TBCD: variants seen among roughly 807,000 people sequenced by gnomAD.
TBCD encodes the protein tubulin folding cofactor D.
A neutral mutation model predicts 169.3 loss-of-function variants in TBCD; 105 were observed. That is an observed-to-expected ratio of 0.62 (90% CI 0.53 to 0.73). The LOEUF is 0.73. TBCD is among the 30% of genes least tolerant of loss of function. The pLI, the probability that TBCD is intolerant of heterozygous loss-of-function variation, is 0.00. For synonymous variants in TBCD, 700 were observed against 643.9 expected, an observed-to-expected ratio of 1.09 and a Z score of -1.32; for missense variants, 1,444 against 1,600.1, an observed-to-expected ratio of 0.90 and a Z score of 1.66.
In TBCD at chr17:82,887,160, TGTGTGTGTGCGCGCGCGC is replaced by T. The variant is rs1311102679; in HGVS notation, c.1534-2506_1534-2489del. 1.9e-3 allele frequency among the ~76,000 whole-genome samples: 212 copies of T among 109,062 alleles called. 1 individual carries two copies. Among genetic ancestry groups the T allele is most frequent in the African/African-American group, 8.6e-3 (200 of 23,128 alleles). The allele number at this position is 109,062 out of a possible 152,430, so 71.5% of individuals were successfully genotyped here. On this transcript the variant is annotated intron_variant, in intron 15 of 38. Transcript: ENST00000355528. ...GTGTGTGTGTGTGTGTGTGTGTGTG[TGTGTGTGTGCGCGCGCGC>T]GCACGTGCGCTCACGCGTTTACTTC...
intron 2 of TBCD, 140 bp downstream of exon 2, chr17:82,756,355 G>T: frequency 1.2e-6 from 1 of 851,566 alleles, no homozygotes; most frequent in Non-Finnish European, 1.9e-6. Flanking sequence ...TGGCTGGTTG[G>T]TTTTAGCCGA....
At chr17:82,869,855 C>T (rs757179416) in intron 13 of TBCD, among the ~76,000 whole-genome samples, 1 of 152,190 alleles carries the variant, frequency 6.6e-6, no homozygotes, top group Non-Finnish European at 1.5e-5. Flanking sequence ...CTCTCCCTCC[C>T]CTGAACCAGG....
chr17:82,876,754 A>T (rs1021261005), intron 14 of TBCD, among the ~76,000 whole-genome samples: 1 of 152,260 alleles, frequency 6.6e-6, no homozygotes, highest in African/African-American at 2.4e-5. Flanking sequence ...TACACGCAAC[A>T]GCAACCATTT....
intron 7 of TBCD, among the ~76,000 whole-genome samples, chr17:82,788,884 G>T (rs2049498256): frequency 6.6e-6 from 1 of 152,208 alleles, no homozygotes; most frequent in African/African-American, 2.4e-5. Flanking sequence ...GCAGAGGCTG[G>T]TGTGAGGCTA....
intron 8 of TBCD, among the ~76,000 whole-genome samples, chr17:82,799,564 G>A (rs973440834): frequency 2.6e-5 from 4 of 152,014 alleles, no homozygotes; most frequent in South Asian, 2.1e-4. Context: ...TGGCGTGCAC[G>A]CCCCGTGTCT....
At chr17:82,778,259 A>G (rs187840932) in intron 6 of TBCD, among the ~76,000 whole-genome samples, 126 of 152,214 alleles carry the variant, frequency 8.3e-4, no homozygotes, top group African/African-American at 2.8e-3. Context: ...TTGCCTCGGC[A>G]CCTGGGTGGC....
At chr17:82,908,530 C>T (rs771907497) in intron 21 of TBCD, 7 of 323,610 alleles carry the variant, frequency 2.2e-5, no homozygotes, top group Non-Finnish European at 4.2e-5. Flanking sequence ...GTCCAGATAG[C>T]TTTATATTCT....
Position 82,896,459 on chromosome 17 carries a change from T to G in TBCD, c.1649+2827T>G, listed in dbSNP as rs962123201. On this transcript the variant is annotated intron_variant, in intron 17 of 38. Transcript: ENST00000355528. ...CTGGGTGGCTGTGCTGTCAGTTTTT[T>G]TTTTTTTTTTTTTTTTTTCCTTTTG... Among the ~76,000 whole-genome samples, 37 of 140,824 alleles carry G rather than the reference T, an allele frequency of 2.6e-4. No homozygotes were observed. In the East Asian group the frequency reaches 7.2e-3, roughly 27 times the overall value. The allele number at this position is 140,824 out of a possible 152,430, so 92.4% of individuals were successfully genotyped here. A position where few individuals can be genotyped will look rare whatever the true frequency, so the allele number is the denominator to read the frequency against.
intron 2 of TBCD, among the ~76,000 whole-genome samples, chr17:82,758,000 G>A (rs569326004): frequency 2.8e-4 from 43 of 152,272 alleles, no homozygotes; most frequent in African/African-American, 1.0e-3. Flanking sequence ...ATTCTTGCCA[G>A]ACCTCTTTCC....
rs575630812 is a variant in TBCD, at chr17:82,942,024, A to G, written c.3565-425A>G. ...CAGCCTCCTTCCGGCAGGAGGTTATATCTGAGAGGGAGGAGGAGAACCATG... is the reference window on the plus strand; with the variant it reads ...CAGCCTCCTTCCGGCAGGAGGTTATGTCTGAGAGGGAGGAGGAGAACCATG... On this transcript the variant is annotated intron_variant, in intron 38 of 38. Transcript: ENST00000355528. The G allele has an allele frequency of 1.0e-4, 28 of 267,912 alleles. No homozygotes were observed. The Admixed American group carries it at 1.5e-3, about 14-fold the overall frequency. 16.6% of individuals were successfully genotyped at this position (267,912 alleles called of 1,614,324 possible). A position where few individuals can be genotyped will look rare whatever the true frequency, so the allele number is the denominator to read the frequency against.
chr17:82,832,253 A>G lies in TBCD; in HGVS notation c.1318+17319A>G. 1 of 1,614,204 alleles carries G rather than the reference A, an allele frequency of 6.2e-7. No homozygotes were observed. The highest frequency in any genetic ancestry group is 8.5e-7 in the Non-Finnish European group (1 of 1,180,038). ...GTTTGCTTGGGGTCTAGTGAGTTAG[A>G]TTTAGGGCACTTGGGAACTCGATCC... is the stretch of plus-strand genomic sequence containing the variant. On this transcript the variant is annotated intron_variant, in intron 13 of 38. Coordinates refer to ENST00000355528, the MANE Select transcript of TBCD (RefSeq NM_005993.5). This position sits in a 1 kb window ranked among gnomAD's most constrained non-coding sequence, Gnocchi z 4.9.
chr17:82,847,193 TAC>T (rs1319741341), intron 13 of TBCD, among the ~76,000 whole-genome samples: 103 of 149,942 alleles, frequency 6.9e-4, no homozygotes, highest in African/African-American at 2.4e-3. Context: ...CTACTAAAAA[TAC>T]ACAAAAAATT....
intron 13 of TBCD, among the ~76,000 whole-genome samples, chr17:82,850,495 CTGTTT>C (rs200725493): frequency 4.3e-5 from 6 of 140,784 alleles, no homozygotes; most frequent in Non-Finnish European, 9.2e-5. Context: ...GTTGGCTGTG[CTGTTT>C]TGCTGTTGGC....
intron 20 of TBCD, among the ~76,000 whole-genome samples, chr17:82,907,034 C>T (rs957278557): frequency 6.6e-6 from 1 of 152,252 alleles, no homozygotes; most frequent in Admixed American, 6.5e-5. Context: ...CAGGGAAGCA[C>T]ATTTGAGCCT....
At chr17:82,768,367 G>C (rs1038380725) in intron 4 of TBCD, 53 bp from the exon 5 acceptor site, 4 of 1,607,398 alleles carry the variant, frequency 2.5e-6, no homozygotes, top group Non-Finnish European at 2.6e-6. Flanking sequence ...ATTGTGGCCA[G>C]TGGCCTGTGA....
intron 23 of TBCD, 51 bp downstream of exon 23, chr17:82,911,840 G>A (rs918495742): frequency 5.2e-5 from 84 of 1,603,502 alleles, no homozygotes; most frequent in South Asian, 4.3e-4. Context: ...CGCAGCCATC[G>A]TTGAGGGAGG....
chr17:82,940,850 C>T (rs972582797), intron 37 of TBCD, among the ~76,000 whole-genome samples: 26 of 152,162 alleles, frequency 1.7e-4, no homozygotes, highest in African/African-American at 6.3e-4. Context: ...GGGGCGAGGC[C>T]TCCTCCAGCG....
intron 6 of TBCD, among the ~76,000 whole-genome samples, chr17:82,774,848 C>G (rs951614828): frequency 1.3e-5 from 2 of 152,272 alleles, no homozygotes; most frequent in Non-Finnish European, 2.9e-5. Flanking sequence ...TTTTCAGGGT[C>G]TGAATGCAAT....
rs1431386772 is a variant in TBCD at position 82,832,297 on chromosome 17, A to G, written c.1318+17363A>G. 6.2e-7 allele frequency: 1 copy of G among 1,614,204 alleles called. No homozygotes were observed. ...TCGATCCTGCTCTGATACTAAAGTA[A>G]TCGAGTTTTTACAAAGACCATACTT... On this transcript the variant is annotated intron_variant, in intron 13 of 38. Coordinates refer to ENST00000355528, the MANE Select transcript of TBCD (RefSeq NM_005993.5). The surrounding 1 kb of genome is among the most constrained non-coding windows in gnomAD (Gnocchi z 4.9).
Sources: allele counts gnomAD v4.1 joint callset (sites outside exome capture counted in the v4.1 genomes callset), GRCh38; gene constraint gnomAD v4.1.1; non-coding constraint Gnocchi (gnomAD v3.1); transcripts MANE v1.5; gene names NCBI Gene and HGNC (gene_info 2026-07-23, HGNC 2026-07-21).